ARHGAP25: variants seen among roughly 807,000 people sequenced by gnomAD.
ARHGAP25 encodes the protein Rho GTPase activating protein 25.
In ARHGAP25, 34 loss-of-function variants were observed where a neutral mutation model predicts 71.0. The ratio of observed to expected loss-of-function variants is 0.48; its 90% CI spans 0.36 to 0.64. The LOEUF is 0.64. ARHGAP25 is among the 30% of genes least tolerant of loss of function. The pLI is 0.00. For missense variants in ARHGAP25, 706 were observed against 805.1 expected (o/e 0.88, Z 1.49); for synonymous variants, 282 against 296.5 (o/e 0.95, Z 0.50).
intron 1 of ARHGAP25, among the ~76,000 whole-genome samples, chr2:68,750,256 C>T (rs1676078716): frequency 6.6e-6 from 1 of 151,832 alleles, no homozygotes; most frequent in African/African-American, 2.4e-5. Flanking sequence ...AGTGATTCTC[C>T]CACCTTGGCC....
chr2:68,824,867 A>G (rs1211815255), intron 10 of ARHGAP25, among the ~76,000 whole-genome samples: 3 of 152,220 alleles, frequency 2.0e-5, no homozygotes, highest in Non-Finnish European at 4.4e-5. Flanking sequence ...GCCCTTGAAG[A>G]TAGAACCCAA....
intron 4 of ARHGAP25, among the ~76,000 whole-genome samples, chr2:68,801,951 T>A (rs1001292401): frequency 6.6e-6 from 1 of 152,212 alleles, no homozygotes; most frequent in African/African-American, 2.4e-5. Flanking sequence ...ACTCTCTAAC[T>A]ATCAAAGAGC....
At chr2:68,738,653 C>T (rs750577673) in intron 1 of ARHGAP25, among the ~76,000 whole-genome samples, 10 of 151,976 alleles carry the variant, frequency 6.6e-5, no homozygotes, top group African/African-American at 9.7e-5. Flanking sequence ...AGTAGAGTCA[C>T]TGCTAAAAAT....
At chr2:68,798,388 A>C (rs1048070416) in intron 4 of ARHGAP25, among the ~76,000 whole-genome samples, 1 of 152,156 alleles carries the variant, frequency 6.6e-6, no homozygotes, top group African/African-American at 2.4e-5. Context: ...TCCTGCCCTC[A>C]GCTCCTAACA....
chr2:68,743,042 T>C (rs934879839), intron 1 of ARHGAP25, among the ~76,000 whole-genome samples: 2 of 152,258 alleles, frequency 1.3e-5, no homozygotes, highest in African/African-American at 4.8e-5. Flanking sequence ...CTAATAAGGA[T>C]AATGATAGCT....
chr2:68,808,622 G>T (rs1680552227), intron 5 of ARHGAP25, among the ~76,000 whole-genome samples: 1 of 152,168 alleles, frequency 6.6e-6, no homozygotes, highest in Non-Finnish European at 1.5e-5. Context: ...CCCGTTATTG[G>T]CATCAAACAC....
intron 2 of ARHGAP25, among the ~76,000 whole-genome samples, chr2:68,712,027 C>A (rs1299997432): frequency 6.6e-6 from 1 of 152,126 alleles, no homozygotes; most frequent in East Asian, 1.9e-4. Context: ...TGGTTATATA[C>A]CCAGTAATGG....
At chr2:68,722,925 G>A (rs1674797386) in intron 2 of ARHGAP25, among the ~76,000 whole-genome samples, 1 of 152,178 alleles carries the variant, frequency 6.6e-6, no homozygotes, top group South Asian at 2.1e-4. Context: ...AACGGGAGAG[G>A]TGCGCTAGGT....
At chr2:68,716,874 G>T (rs1026144654) in intron 2 of ARHGAP25, among the ~76,000 whole-genome samples, 1 of 152,258 alleles carries the variant, frequency 6.6e-6, no homozygotes, top group South Asian at 2.1e-4. Flanking sequence ...AACGATTCAT[G>T]TAGATTCTAT....
intron 4 of ARHGAP25, among the ~76,000 whole-genome samples, chr2:68,795,747 A>G (rs560447435): frequency 1.3e-5 from 2 of 152,300 alleles, no homozygotes; most frequent in South Asian, 2.1e-4. Flanking sequence ...TGCAATTGTT[A>G]TATAGAATGT....
At chr2:68,771,701 C>A (rs1301957422) in intron 1 of ARHGAP25, among the ~76,000 whole-genome samples, 1 of 152,190 alleles carries the variant, frequency 6.6e-6, no homozygotes, top group Non-Finnish European at 1.5e-5. Context: ...GTCTCCCTAC[C>A]CTCAGGGTTT....
At chr2:68,735,589 A>G (rs778102487) in intron 1 of ARHGAP25, 63 of 404,988 alleles carry the variant, frequency 1.6e-4, no homozygotes, top group Non-Finnish European at 1.7e-4. Flanking sequence ...ACTCATCCAT[A>G]TTTTGAATGG....
chr2:68,803,876 G>A (rs1361766940), intron 4 of ARHGAP25, among the ~76,000 whole-genome samples: 3 of 152,054 alleles, frequency 2.0e-5, no homozygotes, highest in Non-Finnish European at 4.4e-5. Context: ...GGAATGGGTG[G>A]GGAGCTCAAC....
At chr2:68,741,288 C>A (rs950815521) in intron 1 of ARHGAP25, among the ~76,000 whole-genome samples, 1 of 152,202 alleles carries the variant, frequency 6.6e-6, no homozygotes. Flanking sequence ...ATGGAGAACG[C>A]CAGCAACTTC....
intron 1 of ARHGAP25, among the ~76,000 whole-genome samples, chr2:68,752,876 G>A (rs962815027): frequency 6.6e-6 from 1 of 152,110 alleles, no homozygotes; most frequent in African/African-American, 2.4e-5. Flanking sequence ...TATACAAAGA[G>A]AGAGAGAGAG....
At chr2:68,733,060 GAA>G (rs1464211223), upstream of ARHGAP25, among the ~76,000 whole-genome samples, 2 of 152,200 alleles carry the variant, frequency 1.3e-5, no homozygotes, top group Non-Finnish European at 2.9e-5. Flanking sequence ...AGTGTGGATG[GAA>G]AAAGAGTCCA....
At chr2:68,718,923 G>A (rs531767523) in intron 2 of ARHGAP25, among the ~76,000 whole-genome samples, 2 of 152,182 alleles carry the variant, frequency 1.3e-5, no homozygotes, top group African/African-American at 4.8e-5. Flanking sequence ...TCTCTGGGGA[G>A]GGCAGAAGAG....
intron 3 of ARHGAP25, among the ~76,000 whole-genome samples, chr2:68,786,268 T>G (rs541153086): frequency 5.9e-5 from 9 of 152,262 alleles, no homozygotes; most frequent in African/African-American, 1.9e-4. Flanking sequence ...AACAACATAG[T>G]AGACTGGAGT....
chr2:68,792,033 C>G (rs1218262802), intron 4 of ARHGAP25, among the ~76,000 whole-genome samples: 2 of 152,180 alleles, frequency 1.3e-5, no homozygotes, highest in Non-Finnish European at 2.9e-5. Flanking sequence ...CATGCCTTCT[C>G]TGGATCTCCA....
Sources: allele counts gnomAD v4.1 joint callset (sites outside exome capture counted in the v4.1 genomes callset), GRCh38; gene constraint gnomAD v4.1.1; transcripts MANE v1.5; gene names NCBI Gene and HGNC (gene_info 2026-07-23, HGNC 2026-07-21).